LRIG3: variants seen among roughly 807,000 people sequenced by gnomAD.
LRIG3 encodes leucine rich repeats and immunoglobulin like domains 3.
A neutral mutation model predicts 114.5 loss-of-function variants in LRIG3; 76 were observed. The observed-to-expected ratio is 0.66, with a 90% confidence interval of 0.55 to 0.80. The LOEUF (loss-of-function observed/expected upper bound fraction) is 0.80, where lower values mean the gene tolerates loss of function less well. LRIG3 is among the 30% of genes least tolerant of loss of function. LRIG3 has a pLI of 0.00. For missense variants in LRIG3, 1,239 were observed against 1,382.8 expected (o/e 0.90, Z 1.65); for synonymous variants, 512 against 519.8 (o/e 0.98, Z 0.20).
intron 3 of LRIG3, among the ~76,000 whole-genome samples, chr12:58,901,307 G>C (rs1167033234): frequency 6.6e-6 from 1 of 152,136 alleles, no homozygotes; most frequent in East Asian, 1.9e-4. Context: ...TGGTATTCTG[G>C]TTGAGAGATG....
Position 58,883,439 on chromosome 12 carries a change from A to G in LRIG3, c.1316+81T>C. 3.1e-6 allele frequency: 3 copies of G among 971,888 alleles called. No homozygotes were observed. The Middle Eastern group carries it at 6.9e-4, about 223-fold the overall frequency. 60.2% of individuals were successfully genotyped at this position (971,888 alleles called of 1,614,324 possible). A position where few individuals can be genotyped will look rare whatever the true frequency, so the allele number is the denominator to read the frequency against. The stretch of plus-strand genomic sequence containing the variant: ...AGAATGTGCCAGGCACTTTTTATAG[A>G]TACATAATCCAGGATGCCACACCAT... On this transcript the variant is annotated intron_variant, in intron 11 of 18. Transcript: ENST00000320743.
At chr12:58,911,604 T>A (rs1025242055) in intron 3 of LRIG3, among the ~76,000 whole-genome samples, 1 of 152,214 alleles carries the variant, frequency 6.6e-6, no homozygotes, top group East Asian at 1.9e-4. Flanking sequence ...TTGAAAGATA[T>A]GAGATTTAAT....
chr12:58,893,834 A>G (rs967033335), intron 3 of LRIG3, among the ~76,000 whole-genome samples: 10 of 152,110 alleles, frequency 6.6e-5, no homozygotes, highest in Admixed American at 1.3e-4. Context: ...CCCTAGCCCT[A>G]TCTCCCTTCA....
intron 1 of LRIG3, chr12:58,919,511 G>C: frequency 6.4e-7 from 1 of 1,551,444 alleles, no homozygotes; most frequent in Non-Finnish European, 8.7e-7. Flanking sequence ...ATTCTGTTGA[G>C]GGGGCTTCCC....
rs776193260 is a variant in LRIG3 at position 58,880,859 on chromosome 12, T to A, written c.1523A>T (p.Gln508Leu). The change falls in exon 13 of 19, where the codon CAG (glutamine) becomes CTG (leucine). Residue 508 changes from glutamine (Q) to leucine (L), a missense_variant. Gln to Leu is a moderately radical substitution (Grantham distance 113, BLOSUM62 -2). Coordinates refer to ENST00000320743, the MANE Select transcript of LRIG3 (RefSeq NM_153377.5). ...CAAATTGGAACCTTTTATTGCCGACTGTGTTTCTGGCTGAACCGTGATCTG... is the reference window on the plus strand; with the variant it reads ...CAAATTGGAACCTTTTATTGCCGACAGTGTTTCTGGCTGAACCGTGATCTG... The part of the protein sequence containing the change: ...KPQITVQPET[Q>L]SAIKGSNLSF... The A allele has an allele frequency of 5.0e-6, 8 of 1,614,068 alleles. No homozygotes were observed. The highest frequency in any genetic ancestry group is 1.7e-5 in the Admixed American group (1 of 60,026).
chr12:58,917,687 C>T (rs1037618345), intron 1 of LRIG3, among the ~76,000 whole-genome samples: 1 of 152,090 alleles, frequency 6.6e-6, no homozygotes, highest in African/African-American at 2.4e-5. Context: ...CTTGCAAATT[C>T]AACAAATGAA....
In LRIG3 at chr12:58,877,840, A is replaced by AATGAT. The variant is rs1293833620; in HGVS notation, c.2091_2095dup (p.Phe699TyrfsTer12). Reference sequence around the variant, plus strand: ...AGTTCGGTCCAACAGTGGCCGCAAAAATGATGGTGTTTCTGAAATAACAAG... The same window carrying AATGAT: ...AGTTCGGTCCAACAGTGGCCGCAAAAATGATATGATGGTGTTTCTGAAATAACAAG... On this transcript the variant is annotated frameshift_variant, in exon 15 of 19. Coordinates refer to ENST00000320743, the MANE Select transcript of LRIG3 (RefSeq NM_153377.5). LOFTEE classifies it high-confidence loss of function. 5.6e-6 allele frequency: 9 copies of AATGAT among 1,597,152 alleles called. No homozygotes were observed. Among genetic ancestry groups the AATGAT allele is most frequent in the Admixed American group, 1.7e-5 (1 of 59,296 alleles).
chr12:58,876,720 C>T, intron 15 of LRIG3, 117 bp from the exon 16 acceptor site: 1 of 1,021,538 alleles, frequency 9.8e-7, no homozygotes, highest in Middle Eastern at 2.8e-4. Context: ...TAGGGGAGAT[C>T]TACTCTGGCA....
intron 12 of LRIG3, among the ~76,000 whole-genome samples, chr12:58,881,879 C>T (rs1056341943): frequency 2.6e-5 from 4 of 152,092 alleles, no homozygotes; most frequent in Admixed American, 1.3e-4. Flanking sequence ...GTGAAAAAAA[C>T]GATGGATACT....
rs1040457390 is a variant in LRIG3, at chr12:58,920,118, C to T, written c.118G>A (p.Gly40Arg). The T allele has an allele frequency of 1.1e-5, 17 of 1,548,498 alleles. No homozygotes were observed. The African/African-American group carries it at 1.9e-4, about 17-fold the overall frequency. The change falls in exon 1 of 19, where the codon GGG becomes AGG. Residue 40 changes from glycine (G) to arginine (R), a missense_variant. Gly to Arg is a moderately radical substitution (Grantham distance 125). Coordinates refer to ENST00000320743, the MANE Select transcript of LRIG3 (RefSeq NM_153377.5). ...GGRGELGQPSGVAAERPCPTT... is the reference protein window; with the variant it reads ...GGRGELGQPSRVAAERPCPTT... Reference sequence around the variant, plus strand: ...GGGCATGGGCGCTCGGCGGCTACCCCAGAGGGCTGCCCGAGTTCCCCGCGA... The same window carrying T: ...GGGCATGGGCGCTCGGCGGCTACCCTAGAGGGCTGCCCGAGTTCCCCGCGA...
chr12:58,914,158 T>TA lies in LRIG3; in HGVS notation c.309-103dup, dbSNP rs1363793832. 2.0e-6 allele frequency: 3 copies of TA among 1,513,436 alleles called. No individual in the cohort carries two copies. In the African/African-American group the frequency reaches 4.2e-5, roughly 21 times the overall value. 93.8% of individuals were successfully genotyped at this position (1,513,436 alleles called of 1,614,324 possible). A position where few individuals can be genotyped will look rare whatever the true frequency, so the allele number is the denominator to read the frequency against. ...TATTATTTCAAGATACCACCCAAGT[T>TA]AAAAGTTTTGAATAACTCACTATAA... On this transcript the variant is annotated intron_variant, in intron 2 of 18. Coordinates refer to ENST00000320743, the MANE Select transcript of LRIG3 (RefSeq NM_153377.5).
At chr12:58,885,792 G>A in intron 10 of LRIG3, 39 bp downstream of exon 10, 1 of 1,388,042 alleles carries the variant, frequency 7.2e-7, no homozygotes, top group Non-Finnish European at 9.8e-7. Flanking sequence ...AACCATCTTA[G>A]AGATTCTCTT....
chr12:58,874,517 A>T lies in LRIG3; in HGVS notation c.2752T>A (p.Phe918Ile), dbSNP rs766338044. Residue 918 changes from phenylalanine to isoleucine, a missense_variant, in exon 17 of 19, where the codon TTC (phenylalanine) becomes ATC (isoleucine). By Grantham distance (21) the Phe-to-Ile change is conservative (BLOSUM62 0). Transcript: ENST00000320743. Reference protein sequence around the residue: ...EADVEAATDLFLCPFLGSTGP... With the variant: ...EADVEAATDLILCPFLGSTGP... ...GTGGATCCCAAAAACGGACAAAGGA[A>T]CAGATCTGTGGCAGCTTCCACATCA... is the stretch of plus-strand genomic sequence containing the variant. 6.2e-7 allele frequency: 1 copy of T among 1,614,166 alleles called. No homozygotes were observed. Among genetic ancestry groups the T allele is most frequent in the Non-Finnish European group, 8.5e-7 (1 of 1,180,020 alleles).
At chr12:58,874,795 G>A (rs867314096) in intron 16 of LRIG3, among the ~76,000 whole-genome samples, 3 of 152,132 alleles carry the variant, frequency 2.0e-5, no homozygotes, top group Admixed American at 6.5e-5. Flanking sequence ...TGGTTTCTAC[G>A]GGAAACTGAT....
At chr12:58,905,688 A>C (rs185894324) in intron 3 of LRIG3, among the ~76,000 whole-genome samples, 1 of 152,162 alleles carries the variant, frequency 6.6e-6, no homozygotes, top group African/African-American at 2.4e-5. Flanking sequence ...TAATAGATTA[A>C]TGAGCTATCA....
At chr12:58,888,029 C>T in intron 7 of LRIG3, 97 bp from the exon 8 acceptor site, 1 of 1,075,624 alleles carries the variant, frequency 9.3e-7, no homozygotes, top group Non-Finnish European at 1.3e-6. Flanking sequence ...CTACACTAAT[C>T]CTTATTTTTA....
chr12:58,882,790 A>G, intron 12 of LRIG3, 79 bp downstream of exon 12: 2 of 1,436,310 alleles, frequency 1.4e-6, no homozygotes, highest in South Asian at 1.5e-5. Flanking sequence ...TCATAAATCT[A>G]TTCAAAACCA....
intron 3 of LRIG3, among the ~76,000 whole-genome samples, chr12:58,899,597 C>T (rs918974203): frequency 6.6e-6 from 1 of 151,802 alleles, no homozygotes; most frequent in African/African-American, 2.4e-5. Context: ...CCTTTCTTTT[C>T]TCTCCAAAGA....
intron 12 of LRIG3, 106 bp downstream of exon 12, chr12:58,882,763 A>C (rs990249848): frequency 1.6e-6 from 2 of 1,249,252 alleles, no homozygotes; most frequent in Admixed American, 5.3e-5. Context: ...AGCAGAAATA[A>C]AAGCTTTATA....
Sources: gnomAD v4.1 joint callset for allele counts (sites outside exome capture counted in the v4.1 genomes callset) on GRCh38, gnomAD v4.1.1 for gene constraint, MANE v1.5 for transcripts, NCBI Gene and HGNC (gene_info 2026-07-23, HGNC 2026-07-21) for gene names.